The following KIRREL1 variants were observed in gnomAD, a reference collection of about 807,000 sequenced individuals.
KIRREL1 encodes the protein kin of IRRE-like protein 1.
KIRREL1 carries 25 observed loss-of-function variants against 83.3 expected under a neutral mutation model. The observed-to-expected ratio is 0.30, with a 90% CI of 0.22 to 0.42. The LOEUF (loss-of-function observed/expected upper bound fraction) is 0.42. Among genes scored for constraint, KIRREL1 ranks in the 10% least tolerant of loss-of-function variants. KIRREL1 has a pLI of 1.00. For missense variants in KIRREL1, 812 were observed against 1,032.3 expected (o/e 0.79, Z 2.92); for synonymous variants, 388 against 410.4 (o/e 0.95, Z 0.66).
intron 1 of KIRREL1, among the ~76,000 whole-genome samples, chr1:158,055,424 C>G (rs1339675663): frequency 1.3e-5 from 2 of 152,094 alleles, no homozygotes; most frequent in Non-Finnish European, 2.9e-5. Context: ...GATCAGCTGG[C>G]AGGTGTGGGG....
intron 1 of KIRREL1, among the ~76,000 whole-genome samples, chr1:158,032,898 G>A (rs1160535617): frequency 6.6e-6 from 1 of 152,058 alleles, no homozygotes; most frequent in Non-Finnish European, 1.5e-5. Context: ...AGCCTCCCGA[G>A]TAGCTGAGAC....
intron 1 of KIRREL1, among the ~76,000 whole-genome samples, chr1:158,006,464 A>T (rs1278930423): frequency 6.6e-6 from 1 of 152,192 alleles, no homozygotes; most frequent in African/African-American, 2.4e-5. Context: ...TTCAAGGCAA[A>T]GCTCCTTGTA....
chr1:158,037,489 CAAAAAAAA>C (rs759200504), intron 1 of KIRREL1, among the ~76,000 whole-genome samples: 1 of 44,040 alleles, frequency 2.3e-5, no homozygotes, highest in African/African-American at 8.0e-5. Flanking sequence ...AAGACTCTGG[CAAAAAAAA>C]AAAAAAAAAA....
intron 1 of KIRREL1, among the ~76,000 whole-genome samples, chr1:158,006,621 G>A (rs1355731032): frequency 6.6e-6 from 1 of 152,204 alleles, no homozygotes; most frequent in Non-Finnish European, 1.5e-5. Flanking sequence ...CCAGGACCAG[G>A]AGAATGATGT....
At chr1:158,087,130 T>C (rs1662040098) in intron 5 of KIRREL1, among the ~76,000 whole-genome samples, 1 of 152,184 alleles carries the variant, frequency 6.6e-6, no homozygotes, top group Admixed American at 6.5e-5. Context: ...TTTATTTAAT[T>C]TAGTCTTAAG....
intron 1 of KIRREL1, among the ~76,000 whole-genome samples, chr1:158,040,236 C>T (rs1438237550): frequency 1.3e-5 from 2 of 152,172 alleles, no homozygotes; most frequent in Non-Finnish European, 2.9e-5. Context: ...TGGGCTTGAC[C>T]TCCAGGATGT....
At chr1:158,004,607 G>A (rs768467839) in intron 1 of KIRREL1, among the ~76,000 whole-genome samples, 1 of 152,188 alleles carries the variant, frequency 6.6e-6, no homozygotes, top group Non-Finnish European at 1.5e-5. Flanking sequence ...TCCTGGAAAA[G>A]CACTCTCAGG....
At chr1:158,032,407 G>T (rs544296239) in intron 1 of KIRREL1, among the ~76,000 whole-genome samples, 1 of 152,204 alleles carries the variant, frequency 6.6e-6, no homozygotes, top group Non-Finnish European at 1.5e-5. Flanking sequence ...TTCCTCTAGC[G>T]TCTCAATCTC....
intron 3 of KIRREL1, among the ~76,000 whole-genome samples, chr1:158,080,599 G>C (rs1277551475): frequency 1.3e-5 from 2 of 152,190 alleles, no homozygotes; most frequent in African/African-American, 4.8e-5. Flanking sequence ...TAAGCTGAAA[G>C]AGAGACAGGG....
At chr1:158,070,326 G>A (rs188671139) in intron 1 of KIRREL1, among the ~76,000 whole-genome samples, 1 of 152,318 alleles carries the variant, frequency 6.6e-6, no homozygotes, top group East Asian at 1.9e-4. Context: ...CTTAACAGCT[G>A]TACCTTAAGC....
In KIRREL1 at chr1:158,064,912, C is replaced by G. The variant is rs1661318797; in HGVS notation, c.53-11201C>G. Among the ~76,000 whole-genome samples the G allele has an allele frequency of 2.2e-5, 3 of 139,146 alleles. No homozygotes were observed. The South Asian group carries it at 7.1e-4, about 33-fold the overall frequency. 91.3% of individuals were successfully genotyped at this position (139,146 alleles called of 152,430 possible). On this transcript the variant is annotated intron_variant, in intron 1 of 14. Transcript: ENST00000359209. ...CCAGCCTCTGGAAGGAGAATAATGT[C>G]TAACACCTAAACCTGCTGGTCTTTT...
chr1:158,063,398 G>T (rs1661268140), intron 1 of KIRREL1, among the ~76,000 whole-genome samples: 1 of 152,194 alleles, frequency 6.6e-6, no homozygotes. Flanking sequence ...CCATGTCCAT[G>T]CCCTCAGGAG....
chr1:158,035,587 T>G (rs1660453824), intron 1 of KIRREL1, among the ~76,000 whole-genome samples: 1 of 152,208 alleles, frequency 6.6e-6, no homozygotes, highest in African/African-American at 2.4e-5. Context: ...GGAGCCCTGT[T>G]AAATAAGAAT....
At chr1:158,087,919 G>A in intron 6 of KIRREL1, 59 bp downstream of exon 6, 1 of 1,607,754 alleles carries the variant, frequency 6.2e-7, no homozygotes, top group Non-Finnish European at 8.5e-7. Context: ...TTCGGGGTTA[G>A]AGGCTGTACT....
At chr1:158,070,280 G>A (rs1194498361) in intron 1 of KIRREL1, among the ~76,000 whole-genome samples, 1 of 152,214 alleles carries the variant, frequency 6.6e-6, no homozygotes, top group Non-Finnish European at 1.5e-5. Flanking sequence ...TATCCCTGTA[G>A]CAGAAAATAC....
rs35927201 is a variant in KIRREL1 at position 158,078,020 on chromosome 1, G to T, written c.232G>T (p.Ala78Ser). Reference sequence around the variant, plus strand: ...GCCACGGTACCGGGTTGTGGGCTCCGCAGACGCTGGGCAGTACAACCTGGA... The same window carrying T: ...GCCACGGTACCGGGTTGTGGGCTCCTCAGACGCTGGGCAGTACAACCTGGA... The part of the protein sequence containing the change: ...AWPRYRVVGS[A>S]DAGQYNLEIT... The change falls in exon 3 of 15, where the codon GCA becomes TCA. Residue 78 changes from alanine to serine, a missense_variant. Transcript: ENST00000359209. 6.2e-7 allele frequency: 1 copy of T among 1,614,126 alleles called. No homozygotes were observed. The highest frequency in any genetic ancestry group is 8.5e-7 in the Non-Finnish European group (1 of 1,180,026).
intron 1 of KIRREL1, among the ~76,000 whole-genome samples, chr1:158,037,221 G>A (rs1016957304): frequency 2.0e-5 from 3 of 152,136 alleles, no homozygotes; most frequent in African/African-American, 4.8e-5. Context: ...TCGGCCGGGC[G>A]CCGTGGCTCA....
At chr1:158,025,979 A>AC (rs1660158330) in intron 1 of KIRREL1, among the ~76,000 whole-genome samples, 2 of 151,966 alleles carry the variant, frequency 1.3e-5, no homozygotes, top group South Asian at 4.2e-4. Flanking sequence ...AGCTGGCAGG[A>AC]CAGCAGATGG....
At chr1:158,044,581 C>A (rs1430299640) in intron 1 of KIRREL1, among the ~76,000 whole-genome samples, 1 of 152,180 alleles carries the variant, frequency 6.6e-6, no homozygotes, top group African/African-American at 2.4e-5. Context: ...TTACTGCAAC[C>A]TTTGTCTCCC....
Sources: gnomAD v4.1 joint callset for allele counts (sites outside exome capture counted in the v4.1 genomes callset) on GRCh38, gnomAD v4.1.1 for gene constraint, MANE v1.5 for transcripts, NCBI Gene and HGNC (gene_info 2026-07-23, HGNC 2026-07-21) for gene names.